Variants in ST6GAL1 observed in about 807,000 individuals in gnomAD.
ST6GAL1 encodes ST6 beta-galactoside alpha-2,6-sialyltransferase 1.
In ST6GAL1, 20 loss-of-function variants were observed where a neutral mutation model predicts 38.0. That is an observed-to-expected ratio of 0.53 (90% CI 0.37 to 0.77). ST6GAL1 has a LOEUF of 0.77. Among genes scored for constraint, ST6GAL1 ranks in the 30% least tolerant of loss-of-function variants. The pLI, the probability that ST6GAL1 is intolerant of heterozygous loss-of-function variation, is 0.00. For synonymous variants in ST6GAL1, 196 were observed against 188.2 expected (o/e 1.04, Z -0.34); for missense variants, 432 against 496.4 (o/e 0.87, Z 1.23).
At chr3:186,994,114 G>A (rs1170952054) in intron 2 of ST6GAL1, among the ~76,000 whole-genome samples, 2 of 152,168 alleles carry the variant, frequency 1.3e-5, no homozygotes, top group African/African-American at 4.8e-5. Context: ...CACCTTGGAG[G>A]AGAAAAATAT....
chr3:187,028,778 C>T (rs1298582230), intron 2 of ST6GAL1, among the ~76,000 whole-genome samples: 2 of 152,128 alleles, frequency 1.3e-5, no homozygotes, highest in African/African-American at 4.8e-5. Flanking sequence ...GTTCAGTTGT[C>T]CCATAGGAAG....
chr3:186,974,298 G>C lies in ST6GAL1; in HGVS notation c.-183+10372G>C, dbSNP rs886741116. Among the ~76,000 whole-genome samples the C allele has an allele frequency of 1.1e-4, 16 of 152,166 alleles. No homozygotes were observed. In the South Asian group the frequency reaches 3.3e-3, roughly 31 times the overall value. On this transcript the variant is annotated intron_variant, in intron 2 of 7. Coordinates refer to ENST00000169298, the MANE Select transcript of ST6GAL1 (RefSeq NM_173216.2). ...TATCCAACCATCCACAGGTGCTGCC[G>C]ATACTGCAGGAACCGACTGAGCTTG...
intron 2 of ST6GAL1, among the ~76,000 whole-genome samples, chr3:187,012,395 T>A (rs1716984993): frequency 6.6e-6 from 1 of 152,034 alleles, no homozygotes; most frequent in Non-Finnish European, 1.5e-5. Context: ...GTAGCTGGGA[T>A]AACAGGCGTG....
intron 2 of ST6GAL1, among the ~76,000 whole-genome samples, chr3:187,034,334 G>C (rs1279847029): frequency 6.6e-6 from 1 of 152,092 alleles, no homozygotes; most frequent in Admixed American, 6.6e-5. Context: ...ATACAAAAAA[G>C]AGCTGGTACC....
chr3:186,972,919 G>A (rs1715397766), intron 2 of ST6GAL1, among the ~76,000 whole-genome samples: 3 of 152,180 alleles, frequency 2.0e-5, no homozygotes, highest in Admixed American at 2.0e-4. Context: ...AGAAGTGAGT[G>A]TATTTCCAGG....
At chr3:187,010,789 C>T (rs1716928985) in intron 2 of ST6GAL1, among the ~76,000 whole-genome samples, 1 of 152,204 alleles carries the variant, frequency 6.6e-6, no homozygotes, top group African/African-American at 2.4e-5. Context: ...CGCCCAAAGC[C>T]CCGCGTCTAT....
intron 5 of ST6GAL1, among the ~76,000 whole-genome samples, chr3:187,060,711 A>C (rs1425707576): frequency 2.6e-5 from 4 of 152,192 alleles, no homozygotes; most frequent in African/African-American, 4.8e-5. Context: ...TGAGAAGTAA[A>C]GGGAGAGGGG....
rs16861397 is a variant in ST6GAL1 at position 186,972,001 on chromosome 3, G to A, written c.-183+8075G>A. ...ACTTCAATGCACTGGGGAAAGAAAC[G>A]AACAATGACAGTGAATGATGATATT... is the stretch of plus-strand genomic sequence containing the variant. On this transcript the variant is annotated intron_variant, in intron 2 of 7. Coordinates refer to ENST00000169298, the MANE Select transcript of ST6GAL1 (RefSeq NM_173216.2). Among the ~76,000 whole-genome samples, 962 of 152,280 alleles carry A rather than the reference G, an allele frequency of 6.3e-3. 11 individuals carry two copies. The highest frequency in any genetic ancestry group is 0.022 in the African/African-American group (920 of 41,550).
In ST6GAL1 at chr3:187,052,445, C is replaced by T. The variant is rs2108587775; in HGVS notation, c.705+1099C>T. 2.0e-5 allele frequency among the ~76,000 whole-genome samples: 3 copies of T among 152,294 alleles called. 1 individual carries two copies. The Middle Eastern group carries it at 0.01, about 518-fold the overall frequency. ...TATTTCTCCTAATGCTATCCCTCCCCTTGCCCCCAACCCCACAACAGGCCC... is the reference window on the plus strand; with the variant it reads ...TATTTCTCCTAATGCTATCCCTCCCTTTGCCCCCAACCCCACAACAGGCCC... On this transcript the variant is annotated intron_variant, in intron 5 of 7. Transcript: ENST00000169298.
chr3:187,066,154 G>C (rs1719114578), intron 5 of ST6GAL1, among the ~76,000 whole-genome samples: 1 of 152,192 alleles, frequency 6.6e-6, no homozygotes, highest in African/African-American at 2.4e-5. Flanking sequence ...GATTTTGATG[G>C]AACCCCTGCC....
intron 2 of ST6GAL1, among the ~76,000 whole-genome samples, chr3:186,997,067 TGG>T (rs1403789105): frequency 6.6e-6 from 1 of 151,830 alleles, no homozygotes; most frequent in Non-Finnish European, 1.5e-5. Flanking sequence ...AATGTATTCT[TGG>T]GGAGATTTGT....
chr3:187,044,715 C>T (rs1718239048), intron 4 of ST6GAL1, among the ~76,000 whole-genome samples: 1 of 152,148 alleles, frequency 6.6e-6, no homozygotes, highest in Non-Finnish European at 1.5e-5. Flanking sequence ...TGAAATTGTA[C>T]TGAAGTTTGA....
At chr3:186,978,497 G>T (rs1715590146) in intron 2 of ST6GAL1, among the ~76,000 whole-genome samples, 1 of 152,154 alleles carries the variant, frequency 6.6e-6, no homozygotes, top group Non-Finnish European at 1.5e-5. Flanking sequence ...TTCACTATCT[G>T]CTGAGCCAGG....
chr3:187,074,033 C>T (rs1579388745), intron 6 of ST6GAL1, 126 bp from the exon 7 acceptor site: 1 of 820,484 alleles, frequency 1.2e-6, no homozygotes, highest in East Asian at 3.0e-5. Context: ...AAGAAAAGGG[C>T]TGTGCCTCAG....
intron 2 of ST6GAL1, among the ~76,000 whole-genome samples, chr3:186,985,782 AAAAAAGAAAAAAG>A (rs1279138250): frequency 6.6e-6 from 1 of 151,238 alleles, no homozygotes; most frequent in Non-Finnish European, 1.5e-5. Flanking sequence ...CTCAAAAAAA[AAAAAAGAAAAAAG>A]AAAAAGAAAA....
intron 5 of ST6GAL1, among the ~76,000 whole-genome samples, chr3:187,060,638 AAAG>A (rs1399011731): frequency 6.6e-6 from 1 of 152,220 alleles, no homozygotes; most frequent in Non-Finnish European, 1.5e-5. Context: ...GAATGTGAGA[AAAG>A]AATGTATTTA....
At chr3:187,039,181 G>C (rs747452118) in intron 3 of ST6GAL1, among the ~76,000 whole-genome samples, 8 of 152,154 alleles carry the variant, frequency 5.3e-5, no homozygotes, top group Non-Finnish European at 1.0e-4. Context: ...ATGTCATGAC[G>C]GGTGGGTCGG....
At chr3:186,946,217 G>A (rs1714363590) in intron 1 of ST6GAL1, among the ~76,000 whole-genome samples, 1 of 151,778 alleles carries the variant, frequency 6.6e-6, no homozygotes, top group African/African-American at 2.4e-5. Flanking sequence ...TGGGGCTGAG[G>A]CAGAAGAGTG....
intron 2 of ST6GAL1, among the ~76,000 whole-genome samples, chr3:186,987,144 G>C (rs943360647): frequency 7.1e-6 from 1 of 140,712 alleles, no homozygotes; most frequent in Admixed American, 7.1e-5. Context: ...AAAGAAAGAA[G>C]GAAGGGAGGG....
Sources: allele counts gnomAD v4.1 joint callset (sites outside exome capture counted in the v4.1 genomes callset), GRCh38; gene constraint gnomAD v4.1.1; transcripts MANE v1.5; gene names NCBI Gene and HGNC (gene_info 2026-07-23, HGNC 2026-07-21).